The following TLN2 variants were observed in gnomAD, a reference collection of about 807,000 sequenced individuals.
The protein encoded by TLN2 is talin 2, also known as talin-2.
TLN2 carries 118 observed loss-of-function variants against 294.7 expected under a neutral mutation model. The observed-to-expected ratio is 0.40, with a 90% CI of 0.34 to 0.47. The LOEUF is 0.47. Ranked by LOEUF, TLN2 falls within the 20% of genes least tolerant of loss-of-function variation. The probability of loss-of-function intolerance (pLI) is 0.84; values close to 1 mark genes in which losing one functional copy is unlikely to be tolerated. For missense variants in TLN2, 3,083 were observed against 3,282.2 expected, an observed-to-expected ratio of 0.94 and a Z score of 1.48; for synonymous variants, 1,431 against 1,304.5, an observed-to-expected ratio of 1.10 and a Z score of -2.09.
In TLN2 at chr15:62,825,563, T is replaced by C. The variant is rs113622899; in HGVS notation, c.7002+4953T>C. ...GAGCATACAGGGTGTGAAAAGCAAG[T>C]ATGGGGCCGGGCATGGTGGCTCACA... On this transcript the variant is annotated intron_variant, in intron 54 of 58. Coordinates refer to ENST00000636159, the MANE Select transcript of TLN2 (RefSeq NM_015059.3). 6.2e-3 allele frequency among the ~76,000 whole-genome samples: 927 copies of C among 150,002 alleles called. 11 individuals carry two copies. Among genetic ancestry groups the C allele is most frequent in the African/African-American group, 0.021 (867 of 40,500 alleles).
At chr15:62,412,106 CTG>C (rs60709229) in intron 1 of TLN2, among the ~76,000 whole-genome samples, 18,465 of 152,182 alleles carry the variant, frequency 0.12, 1,200 homozygotes, top group Admixed American at 0.15. Flanking sequence ...TAAAATCGGT[CTG>C]TGGACCAGCA....
At position 62,755,639 on chromosome 15, in the gene TLN2, C is replaced by G; in HGVS notation, c.4584C>G (p.Val1528=). 2 of 1,614,266 alleles carry G rather than the reference C, an allele frequency of 1.2e-6. No homozygotes were observed. Among genetic ancestry groups the G allele is most frequent in the South Asian group, 2.2e-5 (2 of 91,088 alleles). ...ACCCAGTAGCCAAGAGGCACTTCGT[C>G]CAGTCAGCCAAGGAAGTCGCCAACA... ...TANPVAKRHF[V]QSAKEVANST... Residue 1528 remains valine (V), a synonymous_variant, in exon 37 of 59, where the codon GTC becomes GTG. Coordinates refer to ENST00000636159, the MANE Select transcript of TLN2 (RefSeq NM_015059.3).
At chr15:62,757,761 C>T (rs769982065) in intron 37 of TLN2, among the ~76,000 whole-genome samples, 3 of 152,086 alleles carry the variant, frequency 2.0e-5, no homozygotes, top group Non-Finnish European at 4.4e-5. Context: ...CGTCTCCTGG[C>T]GCACCCTGGG....
chr15:62,613,518 G>T (rs532414197), intron 2 of TLN2, among the ~76,000 whole-genome samples: 1 of 152,140 alleles, frequency 6.6e-6, no homozygotes, highest in Non-Finnish European at 1.5e-5. Flanking sequence ...CAGTACGGCA[G>T]TTTCTTCCAA....
chr15:62,693,088 G>A (rs1206159450), intron 13 of TLN2, 147 bp downstream of exon 13: 5 of 616,948 alleles, frequency 8.1e-6, no homozygotes, highest in African/African-American at 1.9e-5. Context: ...CCAACACTTC[G>A]GGAGGCTGAG....
At chr15:62,455,201 T>C (rs1479824505) in intron 1 of TLN2, among the ~76,000 whole-genome samples, 1 of 151,700 alleles carries the variant, frequency 6.6e-6, no homozygotes, top group Non-Finnish European at 1.5e-5. Flanking sequence ...AGGCAGTGAG[T>C]CCCCGACTCT....
chr15:62,657,867 G>C lies in TLN2; in HGVS notation c.757G>C (p.Val253Leu). The C allele has an allele frequency of 6.2e-7, 1 of 1,613,730 alleles. No homozygotes were observed. Among genetic ancestry groups the C allele is most frequent in the Non-Finnish European group, 8.5e-7 (1 of 1,179,862 alleles). ...FQAQIQFGPH[V>L]EHKHKPGFLD... ...AGCCCAGATACAATTTGGACCTCAT[G>C]TGGAACATAAACACAAACCTGGATT... Residue 253 changes from valine to leucine, a missense_variant, in exon 9 of 59, where the codon GTG becomes CTG. Coordinates refer to ENST00000636159, the MANE Select transcript of TLN2 (RefSeq NM_015059.3).
intron 1 of TLN2, among the ~76,000 whole-genome samples, chr15:62,540,727 C>T (rs564000139): frequency 9.2e-5 from 14 of 151,978 alleles, no homozygotes; most frequent in African/African-American, 2.9e-4. Context: ...CTGCCTAGGG[C>T]GGCATTTGGA....
In TLN2 at chr15:62,492,958, A is replaced by G. The variant is rs117560335; in HGVS notation, c.-237-96729A>G. 2.9e-3 allele frequency among the ~76,000 whole-genome samples: 447 copies of G among 152,292 alleles called. 2 individuals carry two copies. The highest frequency in any genetic ancestry group is 5.0e-3 in the Non-Finnish European group (339 of 68,026). On this transcript the variant is annotated intron_variant, in intron 1 of 58. Coordinates refer to ENST00000636159, the MANE Select transcript of TLN2 (RefSeq NM_015059.3). ...GGCTACTCTTCCTGCTGTCACTGACATTTGAGGACTCGGAGAGTTGTTGTG... is the reference window on the plus strand; with the variant it reads ...GGCTACTCTTCCTGCTGTCACTGACGTTTGAGGACTCGGAGAGTTGTTGTG...
chr15:62,693,968 T>G (rs1312088953), intron 13 of TLN2, among the ~76,000 whole-genome samples: 2 of 3,458 alleles, frequency 5.8e-4, no homozygotes, highest in African/African-American at 6.4e-4. Context: ...TTTTTTTTTT[T>G]TTTTTTTTTT....
At chr15:62,713,897 C>CATATATATAT (rs34783254) in intron 22 of TLN2, among the ~76,000 whole-genome samples, 154 of 119,148 alleles carry the variant, frequency 1.3e-3, no homozygotes, top group Non-Finnish European at 2.3e-3. Context: ...TTCTTTAAGC[C>CATATATATAT]ATATATATAT....
intron 1 of TLN2, among the ~76,000 whole-genome samples, chr15:62,480,818 C>G (rs976781408): frequency 6.6e-6 from 1 of 152,186 alleles, no homozygotes; most frequent in Non-Finnish European, 1.5e-5. Flanking sequence ...GCCAGAGACA[C>G]AAGCCCTTTC....
chr15:62,736,171 T>A (rs1466333493), intron 28 of TLN2, among the ~76,000 whole-genome samples: 2 of 151,832 alleles, frequency 1.3e-5, no homozygotes, highest in East Asian at 1.9e-4. Flanking sequence ...TACAAAAAAA[T>A]TAGCCGGGCG....
intron 55 of TLN2, chr15:62,835,531 G>A (rs1293067049): frequency 2.7e-5 from 16 of 603,036 alleles, no homozygotes; most frequent in Non-Finnish European, 4.1e-5. Flanking sequence ...TCTTGGTGGC[G>A]AAACCTGCCA....
chr15:62,557,038 G>T (rs184767211), intron 1 of TLN2, among the ~76,000 whole-genome samples: 74 of 152,266 alleles, frequency 4.9e-4, no homozygotes, highest in African/African-American at 1.6e-3. Flanking sequence ...TTGTCTCTCC[G>T]TTGAGGAATT....
At chr15:62,404,595 T>C (rs981637862) in intron 1 of TLN2, among the ~76,000 whole-genome samples, 1 of 152,172 alleles carries the variant, frequency 6.6e-6, no homozygotes, top group Non-Finnish European at 1.5e-5. Flanking sequence ...TTCATTTGCA[T>C]TGCTTCAATA....
chr15:62,567,326 A>G (rs1412353205), intron 1 of TLN2, among the ~76,000 whole-genome samples: 1 of 152,252 alleles, frequency 6.6e-6, no homozygotes, highest in African/African-American at 2.4e-5. Flanking sequence ...TGTGATTACT[A>G]GTTCAAGGCA....
At chr15:62,475,344 T>C (rs1238276050) in intron 1 of TLN2, among the ~76,000 whole-genome samples, 1 of 152,224 alleles carries the variant, frequency 6.6e-6, no homozygotes, top group Admixed American at 6.5e-5. Context: ...CTGAGTTTTA[T>C]CACGCTCCTC....
At chr15:62,654,754 CAAAAAAAAAAAAAAA>C (rs59006343) in intron 7 of TLN2, among the ~76,000 whole-genome samples, 5 of 33,854 alleles carry the variant, frequency 1.5e-4, no homozygotes, top group African/African-American at 5.9e-4. Context: ...GACTCTGCCT[CAAAAAAAAAAAAAAA>C]AAAAAAAAAA....
Sources: allele counts gnomAD v4.1 joint callset (sites outside exome capture counted in the v4.1 genomes callset), GRCh38; gene constraint gnomAD v4.1.1; transcripts MANE v1.5; gene names NCBI Gene and HGNC (gene_info 2026-07-23, HGNC 2026-07-21).